Variants in MYO1E observed in about 807,000 individuals in gnomAD.
MYO1E encodes myosin IE, also known as unconventional myosin-Ie.
MYO1E carries 68 observed loss-of-function variants against 151.1 expected under a neutral mutation model. The ratio of observed to expected loss-of-function variants is 0.45; its 90% CI spans 0.37 to 0.55. MYO1E has a LOEUF of 0.55. MYO1E is among the 20% of genes least tolerant of loss of function. The pLI is 0.00. For synonymous variants in MYO1E, 601 were observed against 501.7 expected, an observed-to-expected ratio of 1.20 and a Z score of -2.64; for missense variants, 1,363 against 1,389.3, an observed-to-expected ratio of 0.98 and a Z score of 0.30.
chr15:59,353,171 A>G (rs1236258867), intron 1 of MYO1E, among the ~76,000 whole-genome samples: 1 of 152,036 alleles, frequency 6.6e-6, no homozygotes, highest in Non-Finnish European at 1.5e-5. Flanking sequence ...ATTCAATCTA[A>G]AATGTCTTGT....
At chr15:59,298,646 G>A (rs2080465225) in intron 1 of MYO1E, among the ~76,000 whole-genome samples, 1 of 152,132 alleles carries the variant, frequency 6.6e-6, no homozygotes, top group Admixed American at 6.5e-5. Flanking sequence ...TGACTACAGT[G>A]GCATTAAATA....
At chr15:59,167,555 G>A (rs2079569466) in intron 22 of MYO1E, among the ~76,000 whole-genome samples, 1 of 152,186 alleles carries the variant, frequency 6.6e-6, no homozygotes, top group Admixed American at 6.5e-5. Context: ...CCTTCTGCCA[G>A]CAGCCACCAT....
At chr15:59,151,095 G>A (rs891594042) in intron 26 of MYO1E, among the ~76,000 whole-genome samples, 6 of 151,672 alleles carry the variant, frequency 4.0e-5, no homozygotes, top group Non-Finnish European at 7.4e-5. Flanking sequence ...ACATAAGGGC[G>A]GCATCCACTC....
intron 2 of MYO1E, 39 bp from the exon 3 acceptor site, chr15:59,261,548 T>C (rs1171057212): frequency 3.7e-5 from 48 of 1,300,584 alleles, no homozygotes; most frequent in Non-Finnish European, 5.0e-5. Context: ...TTAATATTCA[T>C]AGCTACACAT....
At chr15:59,167,548 T>C (rs917423497) in intron 22 of MYO1E, among the ~76,000 whole-genome samples, 8 of 152,206 alleles carry the variant, frequency 5.3e-5, no homozygotes, top group Non-Finnish European at 1.2e-4. Flanking sequence ...GGCATGGCCT[T>C]CTGCCAGCAG....
intron 5 of MYO1E, among the ~76,000 whole-genome samples, chr15:59,235,260 A>G (rs1401919149): frequency 1.3e-5 from 2 of 152,176 alleles, no homozygotes; most frequent in Non-Finnish European, 1.5e-5. Flanking sequence ...GCAAGTTTCT[A>G]AAGGGTATAC....
At chr15:59,261,210 A>T (rs1244032061) in intron 3 of MYO1E, among the ~76,000 whole-genome samples, 16 of 151,580 alleles carry the variant, frequency 1.1e-4, no homozygotes, top group East Asian at 1.9e-4. Flanking sequence ...GTCTCAAAAA[A>T]AATAATAATA....
chr15:59,148,407 G>T (rs530712535), intron 26 of MYO1E, among the ~76,000 whole-genome samples: 1 of 152,182 alleles, frequency 6.6e-6, no homozygotes, highest in Non-Finnish European at 1.5e-5. Context: ...GGGGGAGCTA[G>T]GATTAAGCTT....
intron 2 of MYO1E, among the ~76,000 whole-genome samples, chr15:59,267,153 G>C (rs533784864): frequency 2.0e-5 from 3 of 149,310 alleles, no homozygotes; most frequent in African/African-American, 5.0e-5. Flanking sequence ...AGCCTCCCGA[G>C]TAGCCGGGAC....
At position 59,136,217 on chromosome 15, in the gene MYO1E, C is replaced by T. The variant is rs1302555167; in HGVS notation, c.*1163G>A. 2 of 155,054 alleles carry T rather than the reference C, an allele frequency of 1.3e-5. No individual in the cohort carries two copies. Among genetic ancestry groups the T allele is most frequent in the Admixed American group, 1.3e-4 (2 of 15,864 alleles). 9.6% of individuals were successfully genotyped at this position (155,054 alleles called of 1,614,324 possible). ...ATTGGATTAAGACCCACTCTAATGA[C>T]TTCATTTTAATTAGTTTTGTTTGTT... is the stretch of plus-strand genomic sequence containing the variant. On this transcript the variant is annotated 3_prime_UTR_variant, in exon 28 of 28. Transcript: ENST00000288235.
At chr15:59,290,285 G>A (rs2080411617) in intron 1 of MYO1E, among the ~76,000 whole-genome samples, 1 of 152,190 alleles carries the variant, frequency 6.6e-6, no homozygotes, top group Non-Finnish European at 1.5e-5. Flanking sequence ...CTGAGAGCCA[G>A]GTTTCATATG....
At chr15:59,179,244 C>T (rs1196134781) in intron 18 of MYO1E, among the ~76,000 whole-genome samples, 1 of 152,150 alleles carries the variant, frequency 6.6e-6, no homozygotes, top group African/African-American at 2.4e-5. Flanking sequence ...CCCAGACAGG[C>T]CTTCTTGGAC....
chr15:59,307,997 A>C (rs1596410296), intron 1 of MYO1E, among the ~76,000 whole-genome samples: 2 of 148,926 alleles, frequency 1.3e-5, no homozygotes, highest in South Asian at 4.3e-4. Context: ...TGAGCGGATC[A>C]CTTGAGGTCA....
At position 59,136,275 on chromosome 15, in the gene MYO1E, C is replaced by G. The variant is rs1301648777; in HGVS notation, c.*1105G>C. 1 of 157,524 alleles carries G rather than the reference C, an allele frequency of 6.3e-6. No individual in the cohort carries two copies. Among genetic ancestry groups the G allele is most frequent in the South Asian group, 1.9e-4 (1 of 5,386 alleles). The allele number at this position is 157,524 out of a possible 1,614,324, so 9.8% of individuals were successfully genotyped here. ...TAAAGACTCTATTTCCAAATAAGGT[C>G]ATATTGTGAGGTACTGGTGGCTGGG... On this transcript the variant is annotated 3_prime_UTR_variant, in exon 28 of 28. Coordinates refer to ENST00000288235, the MANE Select transcript of MYO1E (RefSeq NM_004998.4).
intron 1 of MYO1E, among the ~76,000 whole-genome samples, chr15:59,275,624 C>A (rs1490733273): frequency 6.6e-6 from 1 of 152,308 alleles, no homozygotes; most frequent in South Asian, 2.1e-4. Flanking sequence ...ATTCTCCCCA[C>A]TCCCCTAAAA....
intron 1 of MYO1E, among the ~76,000 whole-genome samples, chr15:59,356,524 G>T (rs1405939649): frequency 6.6e-6 from 1 of 152,132 alleles, no homozygotes; most frequent in African/African-American, 2.4e-5. Flanking sequence ...AAAAGACCTG[G>T]GGGTAGTTTT....
intron 17 of MYO1E, among the ~76,000 whole-genome samples, chr15:59,188,804 C>T (rs2079715437): frequency 6.6e-6 from 1 of 152,088 alleles, no homozygotes; most frequent in South Asian, 2.1e-4. Context: ...ACCCATCTAT[C>T]ACCTAGAGTA....
intron 26 of MYO1E, among the ~76,000 whole-genome samples, chr15:59,143,885 A>C (rs1299670181): frequency 6.6e-6 from 1 of 152,066 alleles, no homozygotes; most frequent in Non-Finnish European, 1.5e-5. Flanking sequence ...CATTTCCATC[A>C]CTGCTTCCTC....
intron 1 of MYO1E, among the ~76,000 whole-genome samples, chr15:59,308,119 AG>A (rs1418959413): frequency 9.5e-5 from 14 of 147,542 alleles, no homozygotes; most frequent in Admixed American, 8.9e-4. Context: ...GCTACTCGGG[AG>A]GCTGAGGCAT....
Sources: allele counts gnomAD v4.1 joint callset (sites outside exome capture counted in the v4.1 genomes callset), GRCh38; gene constraint gnomAD v4.1.1; transcripts MANE v1.5; gene names NCBI Gene and HGNC (gene_info 2026-07-23, HGNC 2026-07-21).